Variants in CDS2 observed in about 807,000 individuals in gnomAD.
The protein encoded by CDS2 is CDP-diacylglycerol synthase 2, also known as phosphatidate cytidylyltransferase 2.
A neutral mutation model predicts 59.0 loss-of-function variants in CDS2; 47 were observed. That is an observed-to-expected ratio of 0.80 (90% CI 0.63 to 1.02). CDS2 has a LOEUF of 1.02. Among genes scored for constraint, CDS2 ranks in the 50% least tolerant of loss-of-function variants. The pLI is 0.00. For synonymous variants in CDS2, 207 were observed against 206.4 expected (o/e 1.00, Z -0.02); for missense variants, 356 against 558.9 (o/e 0.64, Z 3.66).
intron 1 of CDS2, among the ~76,000 whole-genome samples, chr20:5,149,015 C>CT (rs1382415997): frequency 4.6e-5 from 7 of 151,350 alleles, no homozygotes; most frequent in East Asian, 3.9e-4. Flanking sequence ...TTTTTCTTTT[C>CT]TTTTTTTTCC....
rs1459774853 is a variant in CDS2, at chr20:5,189,825, G to A, written c.1192G>A (p.Ala398Thr). 20 of 1,612,742 alleles carry A rather than the reference G, an allele frequency of 1.2e-5. No individual in the cohort carries two copies. Among genetic ancestry groups the A allele is most frequent in the African/African-American group, 6.7e-5 (5 of 74,874 alleles). Residue 398 changes from alanine (A) to threonine (T), a missense_variant, in exon 12 of 13, where the codon GCC becomes ACC. Physicochemically the swap from Ala to Thr is moderately conservative, Grantham distance 58 (BLOSUM62 0). Coordinates refer to ENST00000460006, the MANE Select transcript of CDS2 (RefSeq NM_003818.4). ...LMATFVNVYI[A>T]SFIRGPNPSK... ...GGCCACCTTTGTCAATGTATACATCGCCAGTTTTATCAGGTATAGTACCTT... is the reference window on the plus strand; with the variant it reads ...GGCCACCTTTGTCAATGTATACATCACCAGTTTTATCAGGTATAGTACCTT...
rs1717565596 is a variant in CDS2 at position 5,193,464 on chromosome 20, A to G, written c.*3230A>G. 1.3e-5 allele frequency: 2 copies of G among 152,182 alleles called. No homozygotes were observed. The highest frequency in any genetic ancestry group is 4.1e-4 in the South Asian group (2 of 4,836). The allele number at this position is 152,182 out of a possible 1,614,324, so 9.4% of individuals were successfully genotyped here. A position where few individuals can be genotyped will look rare whatever the true frequency, so the allele number is the denominator to read the frequency against. ...ATTTTTTTCCACTGTAACTTGACCT[A>G]TATTATGCAAGAAAATCCCAAAAAT... On this transcript the variant is annotated 3_prime_UTR_variant, in exon 13 of 13. Transcript: ENST00000460006.
At chr20:5,175,380 G>C in intron 3 of CDS2, 101 bp downstream of exon 3, 1 of 892,540 alleles carries the variant, frequency 1.1e-6, no homozygotes, top group Non-Finnish European at 1.8e-6. Context: ...GAATTGACGG[G>C]GGTCCAGGCT....
chr20:5,184,787 G>T lies in CDS2; in HGVS notation c.672-71G>T. 9.1e-7 allele frequency: 1 copy of T among 1,101,244 alleles called. No homozygotes were observed. The highest frequency in any genetic ancestry group is 1.3e-5 in the South Asian group (1 of 79,084). 68.2% of individuals were successfully genotyped at this position (1,101,244 alleles called of 1,614,324 possible). A position where few individuals can be genotyped will look rare whatever the true frequency, so the allele number is the denominator to read the frequency against. On this transcript the variant is annotated intron_variant, in intron 7 of 12. Transcript: ENST00000460006. The surrounding 1 kb of genome is among the most constrained non-coding windows in gnomAD (Gnocchi z 4.3). ...GATTTTGGTGCTGGAATTTAAGAATGGCACTATTTTGTGTACTTTTGAGGT... is the reference window on the plus strand; with the variant it reads ...GATTTTGGTGCTGGAATTTAAGAATTGCACTATTTTGTGTACTTTTGAGGT...
At chr20:5,135,550 G>T (rs2090643381) in intron 1 of CDS2, among the ~76,000 whole-genome samples, 1 of 152,150 alleles carries the variant, frequency 6.6e-6, no homozygotes, top group Admixed American at 6.5e-5. Context: ...TTTGTTCCTG[G>T]CACTGGGCAG....
chr20:5,137,965 A>G (rs1351022531), intron 1 of CDS2, among the ~76,000 whole-genome samples: 4 of 150,978 alleles, frequency 2.6e-5, no homozygotes, highest in Non-Finnish European at 5.9e-5. Context: ...TGCCCAGCTA[A>G]TTTGCATATT....
rs2091054931 is a variant in CDS2 at position 5,184,725 on chromosome 20, A to G, written c.672-133A>G. 1.4e-6 allele frequency: 1 copy of G among 727,874 alleles called. No individual in the cohort carries two copies. Among genetic ancestry groups the G allele is most frequent in the Non-Finnish European group, 2.5e-6 (1 of 405,474 alleles). The allele number at this position is 727,874 out of a possible 1,614,324, so 45.1% of individuals were successfully genotyped here. A position where few individuals can be genotyped will look rare whatever the true frequency, so the allele number is the denominator to read the frequency against. ...CTTTTTTGGTATTTTTTATGTTTTT[A>G]ACTTACTCCTTAATGGGTTACCAGA... On this transcript the variant is annotated intron_variant, in intron 7 of 12. Coordinates refer to ENST00000460006, the MANE Select transcript of CDS2 (RefSeq NM_003818.4). The surrounding 1 kb of genome is among the most constrained non-coding windows in gnomAD (Gnocchi z 4.3).
At chr20:5,162,828 A>G (rs774528258) in intron 1 of CDS2, among the ~76,000 whole-genome samples, 9 of 152,164 alleles carry the variant, frequency 5.9e-5, no homozygotes, top group Non-Finnish European at 1.3e-4. Flanking sequence ...TAAGTATGGT[A>G]TGGAGGTAGC....
chr20:5,188,083 G>A (rs545368313), intron 10 of CDS2, among the ~76,000 whole-genome samples: 1 of 130,296 alleles, frequency 7.7e-6, no homozygotes, highest in Admixed American at 7.5e-5. Context: ...TGTGTGTGTT[G>A]ATCACATGAG....
Position 5,175,222 on chromosome 20 carries a change from C to A in CDS2, c.234C>A (p.Ala78=), listed in dbSNP as rs1261883644. 6.2e-7 allele frequency: 1 copy of A among 1,614,100 alleles called. No individual in the cohort carries two copies. Among genetic ancestry groups the A allele is most frequent in the Non-Finnish European group, 8.5e-7 (1 of 1,179,982 alleles). The change falls in exon 3 of 13, where the codon GCC becomes GCA. Residue 78 remains alanine (A), a synonymous_variant. Coordinates refer to ENST00000460006, the MANE Select transcript of CDS2 (RefSeq NM_003818.4). ...NWWVRGILTL[A]MIAFFFIIIY... is the part of the protein sequence containing the mutation. ...GGGTGAGAGGCATCCTGACTTTGGCCATGATTGCATTTTTCTTCATCATCA... is the reference window on the plus strand; with the variant it reads ...GGGTGAGAGGCATCCTGACTTTGGCAATGATTGCATTTTTCTTCATCATCA...
chr20:5,168,417 C>CAAAA, intron 1 of CDS2, among the ~76,000 whole-genome samples: 1 of 71,524 alleles, frequency 1.4e-5, no homozygotes. Flanking sequence ...TCTGTCCCCC[C>CAAAA]AAAAAAAAAA....
In CDS2 at chr20:5,189,716, CT is replaced by C. The variant is rs2091098121; in HGVS notation, c.1102-17del. The C allele has an allele frequency of 6.2e-7, 1 of 1,600,052 alleles. No individual in the cohort carries two copies. Among genetic ancestry groups the C allele is most frequent in the Admixed American group, 1.7e-5 (1 of 59,724 alleles). On this transcript the variant is annotated intron_variant, in intron 11 of 12. Coordinates refer to ENST00000460006, the MANE Select transcript of CDS2 (RefSeq NM_003818.4). Reference sequence around the variant, plus strand: ...GTGGCTGAGCCCAAGTTCACCCATCCTTCCCCTGCCTCTAACAGGACTTTGC... The same window carrying C: ...GTGGCTGAGCCCAAGTTCACCCATCCTCCCCTGCCTCTAACAGGACTTTGC...
chr20:5,186,542 T>C, intron 9 of CDS2, 145 bp from the exon 10 acceptor site: 2 of 688,592 alleles, frequency 2.9e-6, no homozygotes, highest in Non-Finnish European at 4.9e-6. Context: ...AAAATATGTA[T>C]GGTAAAACAT....
chr20:5,150,263 C>G (rs2090778069), intron 1 of CDS2, among the ~76,000 whole-genome samples: 2 of 152,226 alleles, frequency 1.3e-5, no homozygotes, highest in Admixed American at 6.5e-5. Context: ...GTGTCCATTT[C>G]TAGAAACAGG....
At chr20:5,165,541 G>A (rs753132568) in intron 1 of CDS2, among the ~76,000 whole-genome samples, 160 of 122,904 alleles carry the variant, frequency 1.3e-3, no homozygotes, top group Non-Finnish European at 2.1e-3. Context: ...GTGGGAAGCC[G>A]TCTTTTTTTG....
chr20:5,141,950 A>G (rs1568529394), intron 1 of CDS2, among the ~76,000 whole-genome samples: 1 of 152,182 alleles, frequency 6.6e-6, no homozygotes, highest in African/African-American at 2.4e-5. Context: ...TTCACACACT[A>G]CTCTCTCTGA....
intron 8 of CDS2, 101 bp downstream of exon 8, chr20:5,185,046 G>A (rs1806342873): frequency 3.5e-6 from 3 of 862,116 alleles, no homozygotes; most frequent in Non-Finnish European, 5.9e-6. Context: ...TAGCTGTGTT[G>A]TATTGTGGCC....
In CDS2 at chr20:5,176,632, G is replaced by A. The variant is rs1256695087; in HGVS notation, c.292-16G>A. The A allele has an allele frequency of 1.7e-5, 28 of 1,601,278 alleles. No individual in the cohort carries two copies. The highest frequency in any genetic ancestry group is 2.3e-5 in the Non-Finnish European group (27 of 1,168,308). ...CATAAGAATTGGGGTGTCAGTGAAT[G>A]TTTTGTGTCCCGCAGGTGATGTGCG... On this transcript the variant is annotated splice_polypyrimidine_tract_variant and intron_variant, in intron 3 of 12. Transcript: ENST00000460006.
chr20:5,169,993 G>A (rs190255235), intron 1 of CDS2, among the ~76,000 whole-genome samples: 14 of 152,252 alleles, frequency 9.2e-5, no homozygotes, highest in Non-Finnish European at 1.9e-4. Context: ...TGTGTGCTGT[G>A]GTCAGGCTAC....
Sources: allele counts gnomAD v4.1 joint callset (sites outside exome capture counted in the v4.1 genomes callset), GRCh38; gene constraint gnomAD v4.1.1; non-coding constraint Gnocchi (gnomAD v3.1); transcripts MANE v1.5; gene names NCBI Gene and HGNC (gene_info 2026-07-23, HGNC 2026-07-21).